The following SLC35E3 variants were observed in gnomAD, a reference collection of about 807,000 sequenced individuals.
The protein encoded by SLC35E3 is bladder cancer-overexpressed gene 1 protein.
A neutral mutation model predicts 30.8 loss-of-function variants in SLC35E3; 28 were observed. That is an observed-to-expected ratio of 0.91 (90% CI 0.67 to 1.25). The LOEUF is 1.25. Ranked by LOEUF, SLC35E3 falls within the 50% of genes most tolerant of loss-of-function variation. SLC35E3 has a pLI of 0.00. For synonymous variants in SLC35E3, 146 were observed against 149.2 expected, an observed-to-expected ratio of 0.98 and a Z score of 0.16; for missense variants, 365 against 375.4, an observed-to-expected ratio of 0.97 and a Z score of 0.23.
In SLC35E3 at chr12:68,746,493, A is replaced by C; in HGVS notation, c.116A>C (p.His39Pro). The C allele has an allele frequency of 6.2e-7, 1 of 1,614,174 alleles. No individual in the cohort carries two copies. The highest frequency in any genetic ancestry group is 8.5e-7 in the Non-Finnish European group (1 of 1,180,018). ...VFLNKWIYVY[H>P]GFPNMSLTLV... is the part of the protein sequence containing the mutation. ...CTCAACAAATGGATTTATGTGTACC[A>C]CGGCTTCCCCAACATGAGCCTGACC... The change falls in exon 1 of 5, where the codon CAC becomes CCC. Residue 39 changes from histidine (H) to proline (P), a missense_variant. Coordinates refer to ENST00000398004, the MANE Select transcript of SLC35E3 (RefSeq NM_018656.5).
In SLC35E3 at chr12:68,764,828, T is replaced by TATAC; in HGVS notation, c.881_884dup (p.His296TyrfsTer4). The TATAC allele has an allele frequency of 1.2e-6, 2 of 1,614,182 alleles. No homozygotes were observed. Among genetic ancestry groups the TATAC allele is most frequent in the Non-Finnish European group, 1.7e-6 (2 of 1,180,030 alleles). ...ATGTACATTATTTGGCATTCTCGCC[T>TATAC]ATACCCACTTTAAGCTCAGTGAACA... On this transcript the variant is annotated frameshift_variant, in exon 5 of 5. Coordinates refer to ENST00000398004, the MANE Select transcript of SLC35E3 (RefSeq NM_018656.5). LOFTEE classifies it high-confidence loss of function.
At chr12:68,746,884 A>C in intron 1 of SLC35E3, 105 bp downstream of exon 1, 1 of 1,242,044 alleles carries the variant, frequency 8.1e-7, no homozygotes. Context: ...CTTGAAATCC[A>C]CAAATGAGTC....
chr12:68,752,874 G>A (rs929420531), intron 3 of SLC35E3, among the ~76,000 whole-genome samples: 2 of 150,154 alleles, frequency 1.3e-5, no homozygotes, highest in South Asian at 2.1e-4. Flanking sequence ...GGCTGGGTGC[G>A]GTGGCTCATG....
At chr12:68,753,464 C>A (rs1002705005) in intron 3 of SLC35E3, among the ~76,000 whole-genome samples, 6 of 151,032 alleles carry the variant, frequency 4.0e-5, no homozygotes, top group Non-Finnish European at 7.4e-5. Flanking sequence ...AAAAAAAAAA[C>A]CAAACCAAAA....
At position 68,772,695 on chromosome 12, in the gene SLC35E3, A is replaced by G. The variant is rs780844232; in HGVS notation, c.*7805A>G. The G allele has an allele frequency of 6.6e-6, 1 of 152,202 alleles. No homozygotes were observed. The highest frequency in any genetic ancestry group is 1.5e-5 in the Non-Finnish European group (1 of 68,040). The allele number at this position is 152,202 out of a possible 1,614,324, so 9.4% of individuals were successfully genotyped here. ...AACAAGCATGGATACTTATTTAACC[A>G]GCCAAGACTATGCATTTCTAAATAT... is the stretch of plus-strand genomic sequence containing the variant. On this transcript the variant is annotated 3_prime_UTR_variant, in exon 5 of 5. Transcript: ENST00000398004.
At position 68,779,679 on chromosome 12, in the gene SLC35E3, C is replaced by T. The variant is rs1378580262; in HGVS notation, c.*14789C>T. The T allele has an allele frequency of 3.9e-5, 6 of 152,220 alleles. No homozygotes were observed. Among genetic ancestry groups the T allele is most frequent in the African/African-American group, 1.4e-4 (6 of 41,448 alleles). The allele number at this position is 152,220 out of a possible 1,614,324, so 9.4% of individuals were successfully genotyped here. A position where few individuals can be genotyped will look rare whatever the true frequency, so the allele number is the denominator to read the frequency against. On this transcript the variant is annotated 3_prime_UTR_variant, in exon 5 of 5. Coordinates refer to ENST00000398004, the MANE Select transcript of SLC35E3 (RefSeq NM_018656.5). ...GGGGGCCAGGTACAGTGGCCTGCATCTGTAATCCCAGTGTTTTGGGAGGCC... is the reference window on the plus strand; with the variant it reads ...GGGGGCCAGGTACAGTGGCCTGCATTTGTAATCCCAGTGTTTTGGGAGGCC...
chr12:68,760,782 A>G (rs1441946716), intron 4 of SLC35E3, among the ~76,000 whole-genome samples: 1 of 152,216 alleles, frequency 6.6e-6, no homozygotes, highest in Non-Finnish European at 1.5e-5. Context: ...CACATAGACA[A>G]AAGTCTTTGC....
At chr12:68,764,085 A>G (rs1879308818) in intron 4 of SLC35E3, among the ~76,000 whole-genome samples, 1 of 152,132 alleles carries the variant, frequency 6.6e-6, no homozygotes, top group Admixed American at 6.6e-5. Flanking sequence ...GGTACCTTAC[A>G]TATCTCACTT....
chr12:68,767,569 GAC>G lies in SLC35E3; in HGVS notation c.*2681_*2682del, dbSNP rs920380923. On this transcript the variant is annotated 3_prime_UTR_variant, in exon 5 of 5. Transcript: ENST00000398004. ...AGCGACAAAATATACCTTTTGATAA[GAC>G]AGTAAATTTTATGTTTTGTGTTTTT... 1.3e-5 allele frequency: 2 copies of G among 148,296 alleles called. No homozygotes were observed. Among genetic ancestry groups the G allele is most frequent in the African/African-American group, 5.0e-5 (2 of 40,368 alleles). The allele number at this position is 148,296 out of a possible 1,614,324, so 9.2% of individuals were successfully genotyped here.
chr12:68,751,391 T>C (rs1338220606), intron 2 of SLC35E3, among the ~76,000 whole-genome samples: 1 of 151,764 alleles, frequency 6.6e-6, no homozygotes, highest in Admixed American at 6.6e-5. Flanking sequence ...TCCGCCTCCT[T>C]GGTTCAAGCG....
At position 68,748,447 on chromosome 12, in the gene SLC35E3, A is replaced by G. The variant is rs531163362; in HGVS notation, c.513+407A>G. ...GTAATGAAAAATTTCAGATTTTTAG[A>G]TGTTTTTGCCTCAAAAATTATACTG... is the stretch of plus-strand genomic sequence containing the variant. On this transcript the variant is annotated intron_variant, in intron 2 of 4. Coordinates refer to ENST00000398004, the MANE Select transcript of SLC35E3 (RefSeq NM_018656.5). Among the ~76,000 whole-genome samples, 11 of 152,232 alleles carry G rather than the reference A, an allele frequency of 7.2e-5. No homozygotes were observed. The South Asian group carries it at 2.1e-3, about 29-fold the overall frequency.
rs1469828795 is a variant in SLC35E3 at position 68,764,817 on chromosome 12, G to T, written c.869G>T (p.Gly290Val). Residue 290 changes from glycine (G) to valine (V), a missense_variant, in exon 5 of 5, where the codon GGC becomes GTC. Coordinates refer to ENST00000398004, the MANE Select transcript of SLC35E3 (RefSeq NM_018656.5). ...QALGILCTLF[G>V]ILAYTHFKLS... ...CTTGGCATTTTATGTACATTATTTG[G>T]CATTCTCGCCTATACCCACTTTAAG... 1.9e-6 allele frequency: 3 copies of T among 1,614,084 alleles called. No homozygotes were observed. The highest frequency in any genetic ancestry group is 2.2e-5 in the South Asian group (2 of 91,090).
chr12:68,754,270 G>C (rs1459671541), intron 3 of SLC35E3, among the ~76,000 whole-genome samples: 1 of 151,642 alleles, frequency 6.6e-6, no homozygotes, highest in African/African-American at 2.4e-5. Context: ...TTTTGTTGTT[G>C]TTGTTGTTTT....
intron 3 of SLC35E3, among the ~76,000 whole-genome samples, chr12:68,755,904 A>C (rs1040345267): frequency 6.6e-6 from 1 of 152,154 alleles, no homozygotes; most frequent in African/African-American, 2.4e-5. Context: ...ACAAACATCC[A>C]AACTATATTA....
In SLC35E3 at chr12:68,764,972, T is replaced by A. The variant is rs2136079671; in HGVS notation, c.*82T>A. On this transcript the variant is annotated 3_prime_UTR_variant, in exon 5 of 5. Transcript: ENST00000398004. ...TGTGCAAGTTATTAAAAAAAAAAAA[T>A]TGGGCCAGGCACGGTGGCTCACGCC... 86 of 1,233,908 alleles carry A rather than the reference T, an allele frequency of 7.0e-5. No homozygotes were observed. Among genetic ancestry groups the A allele is most frequent in the Middle Eastern group, 2.0e-4 (1 of 4,970 alleles). The allele number at this position is 1,233,908 out of a possible 1,614,324, so 76.4% of individuals were successfully genotyped here. A position where few individuals can be genotyped will look rare whatever the true frequency, so the allele number is the denominator to read the frequency against.
chr12:68,753,809 TACAC>T (rs1229325376), intron 3 of SLC35E3, among the ~76,000 whole-genome samples: 26 of 148,482 alleles, frequency 1.8e-4, no homozygotes, highest in African/African-American at 6.2e-4. Flanking sequence ...TATATATCCA[TACAC>T]ACACACACAC....
intron 2 of SLC35E3, among the ~76,000 whole-genome samples, chr12:68,749,372 A>G (rs1425574962): frequency 6.6e-6 from 1 of 152,240 alleles, no homozygotes; most frequent in East Asian, 1.9e-4. Context: ...GATAATTTCT[A>G]TGTTGTTTCT....
chr12:68,758,456 G>A (rs186367515), intron 3 of SLC35E3, among the ~76,000 whole-genome samples: 33 of 152,026 alleles, frequency 2.2e-4, no homozygotes, highest in Non-Finnish European at 3.2e-4. Context: ...GAGGTATGCC[G>A]AGATGTTAAT....
chr12:68,757,738 C>T lies in SLC35E3; in HGVS notation c.673-1419C>T, dbSNP rs370947278. On this transcript the variant is annotated intron_variant, in intron 3 of 4. Coordinates refer to ENST00000398004, the MANE Select transcript of SLC35E3 (RefSeq NM_018656.5). Reference sequence around the variant, plus strand: ...GGAACTTTGTACATACTGCGTTCCTCAGAAGGCCTGGCCTAACTTTGTAGA... The same window carrying T: ...GGAACTTTGTACATACTGCGTTCCTTAGAAGGCCTGGCCTAACTTTGTAGA... Among the ~76,000 whole-genome samples the T allele has an allele frequency of 1.9e-3, 283 of 152,292 alleles. 1 individual carries two copies. The highest frequency in any genetic ancestry group is 6.6e-3 in the African/African-American group (274 of 41,564).
Sources: allele counts gnomAD v4.1 joint callset (sites outside exome capture counted in the v4.1 genomes callset), GRCh38; gene constraint gnomAD v4.1.1; transcripts MANE v1.5; gene names NCBI Gene and HGNC (gene_info 2026-07-23, HGNC 2026-07-21).